AUTS2: variants seen among roughly 807,000 people sequenced by gnomAD.
AUTS2 encodes activator of transcription and developmental regulator AUTS2.
AUTS2 carries 17 observed loss-of-function variants against 112.4 expected under a neutral mutation model. That is an observed-to-expected ratio of 0.15 (90% CI 0.10 to 0.23). AUTS2 has a LOEUF of 0.23. Among genes scored for constraint, AUTS2 ranks in the 10% least tolerant of loss-of-function variants. AUTS2 has a pLI of 1.00. For missense variants in AUTS2, 1,510 were observed against 1,701.6 expected (o/e 0.89, Z 1.98); for synonymous variants, 751 against 702.7 (o/e 1.07, Z -1.09).
In AUTS2 at chr7:70,790,573, G is replaced by T; in HGVS notation, c.3357G>T (p.Arg1119=). Residue 1119 remains arginine, a synonymous_variant, in exon 19 of 19, where the codon CGG becomes CGT. Coordinates refer to ENST00000342771, the MANE Select transcript of AUTS2 (RefSeq NM_015570.4). This position sits in a 1 kb window ranked among gnomAD's most constrained non-coding sequence, Gnocchi z 7.6. ...AAGCCGACCGCTCCTTCAGGGACCG[G>T]GAGCCTCACGACTACAGCCACCACC... The part of the protein sequence containing the change: ...LYEADRSFRD[R]EPHDYSHHHH... 6.2e-7 allele frequency: 1 copy of T among 1,602,272 alleles called. No homozygotes were observed. Among genetic ancestry groups the T allele is most frequent in the East Asian group, 2.3e-5 (1 of 44,174 alleles).
intron 2 of AUTS2, among the ~76,000 whole-genome samples, chr7:69,925,244 C>T (rs890711255): frequency 6.6e-6 from 1 of 151,886 alleles, no homozygotes; most frequent in Non-Finnish European, 1.5e-5. Context: ...TGATTTTTCT[C>T]TGTTGTTTTA....
At chr7:69,994,783 T>G (rs1798874892) in intron 2 of AUTS2, among the ~76,000 whole-genome samples, 1 of 152,194 alleles carries the variant, frequency 6.6e-6, no homozygotes. Flanking sequence ...TTCTACCAGG[T>G]AGACATGCAA....
At position 69,599,609 on chromosome 7, in the gene AUTS2, G is replaced by A. The variant is rs1390694456; in HGVS notation, c.-45G>A. 6 of 1,265,176 alleles carry A rather than the reference G, an allele frequency of 4.7e-6. No individual in the cohort carries two copies. In the South Asian group the frequency reaches 1.7e-4, roughly 35 times the overall value. 78.4% of individuals were successfully genotyped at this position (1,265,176 alleles called of 1,614,324 possible). A position where few individuals can be genotyped will look rare whatever the true frequency, so the allele number is the denominator to read the frequency against. On this transcript the variant is annotated 5_prime_UTR_variant, in exon 1 of 19. Coordinates refer to ENST00000342771, the MANE Select transcript of AUTS2 (RefSeq NM_015570.4). The surrounding 1 kb of genome is among the most constrained non-coding windows in gnomAD (Gnocchi z 7.0). ...AATTTTTTTTTGTGTGGCTGCGGCC[G>A]TAGCCTGTGGCGGGCAAGCGGGGAG...
intron 1 of AUTS2, among the ~76,000 whole-genome samples, chr7:69,882,158 A>AG (rs1794081168): frequency 1.4e-5 from 2 of 147,224 alleles, no homozygotes; most frequent in East Asian, 4.0e-4. Context: ...CTCAAAAAAA[A>AG]AAAAAAAAAA....
At chr7:70,133,320 T>G (rs983006036) in intron 3 of AUTS2, among the ~76,000 whole-genome samples, 2 of 152,202 alleles carry the variant, frequency 1.3e-5, no homozygotes, top group Non-Finnish European at 2.9e-5. Context: ...AGATGTCAAA[T>G]TCTCCTGAGC....
intron 1 of AUTS2, among the ~76,000 whole-genome samples, chr7:69,870,494 A>G (rs1793445790): frequency 1.4e-5 from 1 of 69,468 alleles, no homozygotes; most frequent in Non-Finnish European, 3.1e-5. Context: ...AGACATACAC[A>G]CAGACATATG....
chr7:70,472,555 T>G (rs1797433191), intron 5 of AUTS2, among the ~76,000 whole-genome samples: 2 of 152,288 alleles, frequency 1.3e-5, no homozygotes, highest in East Asian at 3.9e-4. Context: ...ACTAAAATAT[T>G]TTTTAAAATT....
chr7:70,068,846 T>A (rs1189945879), intron 2 of AUTS2, among the ~76,000 whole-genome samples: 1 of 152,192 alleles, frequency 6.6e-6, no homozygotes, highest in Non-Finnish European at 1.5e-5. Flanking sequence ...ATCACTTGTT[T>A]TGCCTTGGGC....
At chr7:69,713,305 T>C (rs548486861) in intron 1 of AUTS2, among the ~76,000 whole-genome samples, 5 of 152,276 alleles carry the variant, frequency 3.3e-5, no homozygotes, top group East Asian at 1.9e-4. Flanking sequence ...TTTTGAAATA[T>C]ACAATCCAAT....
intron 4 of AUTS2, among the ~76,000 whole-genome samples, chr7:70,340,936 A>T (rs1791236344): frequency 6.6e-6 from 1 of 152,246 alleles, no homozygotes; most frequent in Non-Finnish European, 1.5e-5. Context: ...TGAAATGTCC[A>T]TGTGGTCTTA....
chr7:70,003,583 A>G (rs1434854758), intron 2 of AUTS2, among the ~76,000 whole-genome samples: 2 of 124,974 alleles, frequency 1.6e-5, no homozygotes, highest in South Asian at 2.4e-4. Flanking sequence ...ATGTATATAT[A>G]ATATATATGA....
chr7:70,406,144 G>A (rs1794524738), intron 4 of AUTS2, among the ~76,000 whole-genome samples: 1 of 152,120 alleles, frequency 6.6e-6, no homozygotes, highest in Admixed American at 6.5e-5. Flanking sequence ...TGCAAGCCAA[G>A]CCTGTGTTTT....
intron 6 of AUTS2, among the ~76,000 whole-genome samples, chr7:70,708,469 A>G (rs1809857483): frequency 6.6e-6 from 1 of 152,188 alleles, no homozygotes; most frequent in Non-Finnish European, 1.5e-5. Context: ...CAACCATGGA[A>G]CAGGATCTGG....
At chr7:69,878,600 T>G (rs1417725958) in intron 1 of AUTS2, among the ~76,000 whole-genome samples, 1 of 152,176 alleles carries the variant, frequency 6.6e-6, no homozygotes, top group Non-Finnish European at 1.5e-5. Context: ...GAGGTCAATC[T>G]GGCATAAGAA....
chr7:70,118,371 A>G (rs1170594102), intron 3 of AUTS2, 138 bp downstream of exon 3: 1 of 1,060,408 alleles, frequency 9.4e-7, no homozygotes, highest in African/African-American at 1.7e-5. Context: ...ATTGCGGTTC[A>G]CATTATCTTT....
At chr7:70,498,965 A>G (rs1025709979) in intron 5 of AUTS2, among the ~76,000 whole-genome samples, 1 of 152,184 alleles carries the variant, frequency 6.6e-6, no homozygotes, top group Non-Finnish European at 1.5e-5. Context: ...GGCTGGACCG[A>G]ACCTTTGTGG....
At chr7:69,927,917 C>CTG (rs1199487902) in intron 2 of AUTS2, among the ~76,000 whole-genome samples, 2 of 152,226 alleles carry the variant, frequency 1.3e-5, no homozygotes, top group Non-Finnish European at 2.9e-5. Context: ...ACCTGAAGGG[C>CTG]TGCAGGTCTT....
At chr7:69,718,134 A>C (rs751469214) in intron 1 of AUTS2, among the ~76,000 whole-genome samples, 1 of 152,220 alleles carries the variant, frequency 6.6e-6, no homozygotes, top group Non-Finnish European at 1.5e-5. Flanking sequence ...CCTATAATAC[A>C]AAGATTATCA....
chr7:70,695,657 G>C (rs1809049812), intron 5 of AUTS2, among the ~76,000 whole-genome samples: 1 of 152,254 alleles, frequency 6.6e-6, no homozygotes, highest in Non-Finnish European at 1.5e-5. Flanking sequence ...CACCCCGTCT[G>C]CACGCACGGC....
Sources: allele counts gnomAD v4.1 joint callset (sites outside exome capture counted in the v4.1 genomes callset), GRCh38; gene constraint gnomAD v4.1.1; non-coding constraint Gnocchi (gnomAD v3.1); transcripts MANE v1.5; gene names NCBI Gene and HGNC (gene_info 2026-07-23, HGNC 2026-07-21).